Variants in LDLRAD4 observed in about 807,000 individuals in gnomAD.
LDLRAD4 encodes low-density lipoprotein receptor class A domain-containing protein 4.
LDLRAD4 carries 5 observed loss-of-function variants against 17.0 expected under a neutral mutation model. The ratio of observed to expected loss-of-function variants is 0.29; its 90% CI spans 0.15 to 0.62. The LOEUF is 0.62. Among genes scored for constraint, LDLRAD4 ranks in the 20% least tolerant of loss-of-function variants. The probability of loss-of-function intolerance (pLI) is 0.84; values close to 1 mark genes in which losing one functional copy is unlikely to be tolerated. For missense variants in LDLRAD4, 340 were observed against 424.7 expected (o/e 0.80, Z 1.75); for synonymous variants, 168 against 171.8 (o/e 0.98, Z 0.17).
intron 3 of LDLRAD4, among the ~76,000 whole-genome samples, chr18:13,604,361 C>T (rs2095198624): frequency 6.6e-6 from 1 of 152,194 alleles, no homozygotes; most frequent in African/African-American, 2.4e-5. Flanking sequence ...GGAATAACGG[C>T]CCCAGGGGTG....
intron 3 of LDLRAD4, among the ~76,000 whole-genome samples, chr18:13,564,765 T>C (rs2094579585): frequency 6.6e-6 from 1 of 152,088 alleles, no homozygotes; most frequent in Admixed American, 6.5e-5. Flanking sequence ...TTGGCAGTGC[T>C]CCAGCCCTCC....
intron 3 of LDLRAD4, among the ~76,000 whole-genome samples, chr18:13,447,346 C>G (rs1424404414): frequency 1.3e-5 from 2 of 152,192 alleles, no homozygotes. Flanking sequence ...TCACACCCTC[C>G]CCTCCCAGTC....
At chr18:13,554,734 AATGATATTTCCACTCTCAC>A (rs1412262894) in intron 3 of LDLRAD4, among the ~76,000 whole-genome samples, 1 of 152,232 alleles carries the variant, frequency 6.6e-6, no homozygotes. Flanking sequence ...ATAAGATTTT[AATGATATTTCCACTCTCAC>A]GTTTTCAAAT....
chr18:13,459,535 A>G (rs1351330781), intron 3 of LDLRAD4, among the ~76,000 whole-genome samples: 2 of 151,994 alleles, frequency 1.3e-5, no homozygotes, highest in South Asian at 2.1e-4. Context: ...GGTGCCCGCA[A>G]CCACGCCCGG....
At chr18:13,594,939 T>A (rs8093994) in intron 3 of LDLRAD4, among the ~76,000 whole-genome samples, 2,295 of 152,228 alleles carry the variant, frequency 0.015, 58 homozygotes, top group African/African-American at 0.051. Context: ...TATTGAGATT[T>A]GTTATTTCTT....
At chr18:13,516,557 G>C (rs2093869968) in intron 3 of LDLRAD4, among the ~76,000 whole-genome samples, 1 of 152,208 alleles carries the variant, frequency 6.6e-6, no homozygotes, top group East Asian at 1.9e-4. Context: ...TATTGCTAGG[G>C]TGGCATTTGA....
Position 13,621,333 on chromosome 18 carries a change from C to A in LDLRAD4, c.336+62C>A. ...AGCTGCAAGAGGCTTAGGAGCCCAT[C>A]AGGGTTCAGAGGCCGGGAGTGCTTT... is the stretch of plus-strand genomic sequence containing the variant. On this transcript the variant is annotated intron_variant, in intron 4 of 5. Coordinates refer to ENST00000359446, the Ensembl canonical transcript of LDLRAD4. The surrounding 1 kb of genome is among the most constrained non-coding windows in gnomAD (Gnocchi z 5.5). The A allele has an allele frequency of 1.5e-6, 2 of 1,372,832 alleles. No individual in the cohort carries two copies. The allele number at this position is 1,372,832 out of a possible 1,614,324, so 85.0% of individuals were successfully genotyped here.
Position 13,424,116 on chromosome 18 carries a change from C to T in LDLRAD4, c.41-14128C>T, listed in dbSNP as rs187677461. ...CACCATTGCACTCCAGCCTGGGCGACGAGAGTGAAACTCCATCTCAAAGAA... is the reference window on the plus strand; with the variant it reads ...CACCATTGCACTCCAGCCTGGGCGATGAGAGTGAAACTCCATCTCAAAGAA... On this transcript the variant is annotated intron_variant, in intron 2 of 5. Transcript: ENST00000359446. Among the ~76,000 whole-genome samples, 4 of 145,976 alleles carry T rather than the reference C, an allele frequency of 2.7e-5. No individual in the cohort carries two copies. In the East Asian group the frequency reaches 6.2e-4, roughly 22 times the overall value.
intron 1 of LDLRAD4, among the ~76,000 whole-genome samples, chr18:13,242,422 A>G (rs376169370): frequency 2.0e-5 from 3 of 152,236 alleles, no homozygotes; most frequent in East Asian, 1.9e-4. Context: ...GTGGAATCCA[A>G]CTAAGGTAAG....
intron 3 of LDLRAD4, among the ~76,000 whole-genome samples, chr18:13,453,001 G>A (rs1011450790): frequency 6.6e-6 from 1 of 152,146 alleles, no homozygotes; most frequent in Non-Finnish European, 1.5e-5. Flanking sequence ...GGAGAGAAAG[G>A]GCACAGAGAT....
chr18:13,652,341 C>G (rs1005530691), exon 6 of LDLRAD4: 1 of 152,122 alleles, frequency 6.6e-6, no homozygotes, highest in African/African-American at 2.4e-5. Context: ...GTATACTTGT[C>G]TAGTTTAAGG....
rs879798907 is a variant in LDLRAD4, at chr18:13,413,901, TA to T, written c.41-24331del. 9.5e-3 allele frequency among the ~76,000 whole-genome samples: 1,418 copies of T among 149,398 alleles called. 23 individuals carry two copies. Among genetic ancestry groups the T allele is most frequent in the African/African-American group, 0.032 (1,301 of 40,722 alleles). On this transcript the variant is annotated intron_variant, in intron 2 of 5. Transcript: ENST00000359446. ...TGCAACATAGAGAAACTCCAGAAAT[TA>T]AAAAAAAAAAATTTTTTTTTAAATC...
At chr18:13,405,602 ATTTTTTT>A (rs540287028) in intron 2 of LDLRAD4, among the ~76,000 whole-genome samples, 5 of 135,078 alleles carry the variant, frequency 3.7e-5, no homozygotes, top group Admixed American at 3.0e-4. Context: ...GGCTAATTAA[ATTTTTTT>A]TTTTTTTTTT....
intron 2 of LDLRAD4, among the ~76,000 whole-genome samples, chr18:13,389,257 G>T (rs898688137): frequency 1.3e-5 from 2 of 151,742 alleles, no homozygotes; most frequent in Admixed American, 1.3e-4. Flanking sequence ...CTCCCCTCCA[G>T]GCAGGGATGG....
At chr18:13,239,258 G>C (rs1347719185) in intron 1 of LDLRAD4, among the ~76,000 whole-genome samples, 1 of 151,872 alleles carries the variant, frequency 6.6e-6, no homozygotes, top group African/African-American at 2.4e-5. Context: ...TGAAGCCTGC[G>C]GTTGGAGGGG....
chr18:13,565,397 G>A (rs1264091058), intron 3 of LDLRAD4, among the ~76,000 whole-genome samples: 4 of 152,234 alleles, frequency 2.6e-5, no homozygotes, highest in African/African-American at 4.8e-5. Flanking sequence ...GCCAGGGCCC[G>A]GCCGTGCTGG....
At chr18:13,612,051 CGTGTCCTGCCTTG>C in intron 3 of LDLRAD4, 1 of 985,534 alleles carries the variant, frequency 1.0e-6, no homozygotes, top group Non-Finnish European at 1.2e-6. Flanking sequence ...CCGCCTGTCG[CGTGTCCTGCCTTG>C]GTAAGCGCCC....
intron 1 of LDLRAD4, among the ~76,000 whole-genome samples, chr18:13,239,223 G>A (rs1280717155): frequency 6.6e-6 from 1 of 151,702 alleles, no homozygotes; most frequent in African/African-American, 2.4e-5. Context: ...TGTAACTGCG[G>A]GCTCGAGAGA....
At chr18:13,388,737 C>T (rs2086026691) in intron 2 of LDLRAD4, among the ~76,000 whole-genome samples, 2 of 152,228 alleles carry the variant, frequency 1.3e-5, no homozygotes, top group South Asian at 4.1e-4. Flanking sequence ...TCCGCAGTCG[C>T]CGTGGCTTCG....
Sources: allele counts gnomAD v4.1 joint callset (sites outside exome capture counted in the v4.1 genomes callset), GRCh38; gene constraint gnomAD v4.1.1; non-coding constraint Gnocchi (gnomAD v3.1); transcripts MANE v1.5; gene names NCBI Gene and HGNC (gene_info 2026-07-23, HGNC 2026-07-21).